The following MRPS27 variants were observed in gnomAD, a reference collection of about 807,000 sequenced individuals.
MRPS27 encodes small ribosomal subunit protein mS27.
In MRPS27, 43 loss-of-function variants were observed where a neutral mutation model predicts 48.9. The observed-to-expected ratio is 0.88, with a 90% CI of 0.69 to 1.13. The LOEUF (loss-of-function observed/expected upper bound fraction) is 1.13. MRPS27 is among the 50% of genes most tolerant of loss of function. The probability of loss-of-function intolerance (pLI) is 0.00; values close to 1 mark genes in which losing one functional copy is unlikely to be tolerated. For missense variants in MRPS27, 467 were observed against 476.3 expected (o/e 0.98, Z 0.18); for synonymous variants, 188 against 171.9 (o/e 1.09, Z -0.73).
chr5:72,262,854 T>G (rs1040267667), intron 4 of MRPS27, among the ~76,000 whole-genome samples: 7 of 152,264 alleles, frequency 4.6e-5, no homozygotes, highest in Admixed American at 3.9e-4. Context: ...CACTGCACCC[T>G]TGAACTCCTG....
Position 72,238,026 on chromosome 5 carries a change from G to C in MRPS27, c.384C>G (p.Thr128=), listed in dbSNP as rs11557158. The C allele has an allele frequency of 1.9e-6, 3 of 1,610,224 alleles. No homozygotes were observed. ...CGGAACAACTCACCTTATTTACAAGGGTATATAGGGCTTTGTCTTGTGCAT... is the reference window on the plus strand; with the variant it reads ...CGGAACAACTCACCTTATTTACAAGCGTATATAGGGCTTTGTCTTGTGCAT... ...KYDAQDKALY[T]LVNKVQYGIF... Residue 128 remains threonine (T), a synonymous_variant, in exon 5 of 11, where the codon ACC becomes ACG. Transcript: ENST00000261413.
intron 4 of MRPS27, chr5:72,241,462 G>T: frequency 1.7e-6 from 1 of 573,244 alleles, no homozygotes. Flanking sequence ...ATAAACTTAC[G>T]TGAGTGGCTA....
intron 2 of MRPS27, among the ~76,000 whole-genome samples, chr5:72,306,003 C>T (rs1435319916): frequency 1.3e-5 from 2 of 152,302 alleles, no homozygotes; most frequent in African/African-American, 4.8e-5. Context: ...AAGCCCAGGG[C>T]TCTACAGAGC....
At chr5:72,246,345 T>C (rs1422258155) in intron 4 of MRPS27, among the ~76,000 whole-genome samples, 1 of 152,210 alleles carries the variant, frequency 6.6e-6, no homozygotes, top group Non-Finnish European at 1.5e-5. Flanking sequence ...TAGTATGTGG[T>C]CATTGTGGAA....
chr5:72,223,034 G>A (rs936816515), intron 10 of MRPS27, among the ~76,000 whole-genome samples: 1 of 152,154 alleles, frequency 6.6e-6, no homozygotes, highest in Admixed American at 6.5e-5. Flanking sequence ...CACTAGACAA[G>A]AATCAAAGCA....
At chr5:72,301,017 T>G (rs1289832150) in intron 2 of MRPS27, among the ~76,000 whole-genome samples, 5 of 152,184 alleles carry the variant, frequency 3.3e-5, no homozygotes, top group African/African-American at 1.2e-4. Flanking sequence ...AAAAAAGCAA[T>G]TGGGTTTCCA....
At chr5:72,257,843 G>A (rs1029986949) in intron 4 of MRPS27, among the ~76,000 whole-genome samples, 2 of 152,164 alleles carry the variant, frequency 1.3e-5, no homozygotes, top group Non-Finnish European at 2.9e-5. Context: ...CCAGCACTTT[G>A]GGAGGCTGAG....
At chr5:72,312,071 G>T (rs2112088686) in intron 2 of MRPS27, among the ~76,000 whole-genome samples, 1 of 152,306 alleles carries the variant, frequency 6.6e-6, no homozygotes, top group Admixed American at 6.5e-5. Context: ...GGCGGAGGTT[G>T]CAGTGAGCCG....
In MRPS27 at chr5:72,280,366, A is replaced by G. The variant is rs140460185; in HGVS notation, c.281+15165T>C. Among the ~76,000 whole-genome samples, 11 of 152,348 alleles carry G rather than the reference A, an allele frequency of 7.2e-5. No homozygotes were observed. The East Asian group carries it at 2.1e-3, about 29-fold the overall frequency. On this transcript the variant is annotated intron_variant, in intron 4 of 10. Transcript: ENST00000261413. ...GGAAAGATATACTTAAAAGACTGGCAAGAAACACACTAAAAACAAGTGATT... is the reference window on the plus strand; with the variant it reads ...GGAAAGATATACTTAAAAGACTGGCGAGAAACACACTAAAAACAAGTGATT...
chr5:72,257,535 A>T (rs1748841993), intron 4 of MRPS27, among the ~76,000 whole-genome samples: 1 of 152,198 alleles, frequency 6.6e-6, no homozygotes, highest in Admixed American at 6.5e-5. Flanking sequence ...ATTCATGTGC[A>T]TGGGTTTCAT....
intron 4 of MRPS27, among the ~76,000 whole-genome samples, chr5:72,287,452 C>T (rs1040521004): frequency 1.3e-5 from 2 of 152,140 alleles, no homozygotes; most frequent in African/African-American, 2.4e-5. Context: ...CCGGCCTTGC[C>T]AACATGGTGA....
chr5:72,263,305 C>T (rs1379950925), intron 4 of MRPS27, among the ~76,000 whole-genome samples: 2 of 151,870 alleles, frequency 1.3e-5, no homozygotes, highest in East Asian at 3.9e-4. Flanking sequence ...GACCATAAAA[C>T]TTAAAGCCAT....
chr5:72,228,447 G>A, intron 7 of MRPS27, 79 bp from the exon 8 acceptor site: 2 of 901,880 alleles, frequency 2.2e-6, no homozygotes, highest in East Asian at 2.5e-5. Flanking sequence ...AATGACATGA[G>A]GAAAAGAACA....
In MRPS27 at chr5:72,285,709, G is replaced by A. The variant is rs745323271; in HGVS notation, c.281+9822C>T. The stretch of plus-strand genomic sequence containing the variant: ...GCTAATCTTTAAAAACATTTTTGTA[G>A]AAACGGAGTCTCACTATGTTGCTCA... On this transcript the variant is annotated intron_variant, in intron 4 of 10. Coordinates refer to ENST00000261413, the MANE Select transcript of MRPS27 (RefSeq NM_015084.3). Among the ~76,000 whole-genome samples the A allele has an allele frequency of 5.3e-4, 80 of 152,160 alleles. 2 individuals carry two copies. Among genetic ancestry groups the A allele is most frequent in the Non-Finnish European group, 1.2e-4 (8 of 68,024 alleles).
At position 72,238,111 on chromosome 5, in the gene MRPS27, T is replaced by C. The variant is rs754401193; in HGVS notation, c.299A>G (p.Asn100Ser). 43 of 1,613,260 alleles carry C rather than the reference T, an allele frequency of 2.7e-5. No homozygotes were observed. The highest frequency in any genetic ancestry group is 1.6e-4 in the Middle Eastern group (1 of 6,076). Residue 100 changes from asparagine to serine, a missense_variant, in exon 5 of 11, where the codon AAC becomes AGC. Transcript: ENST00000261413. ...AGTCCAGTTTCTCAGGTACCAGCAG[T>C]TGGGGCTGTGTCGAAACCTAAATAA... ...YYLYKFRHSPNCWYLRNWTIH... is the reference protein window; with the variant it reads ...YYLYKFRHSPSCWYLRNWTIH...
chr5:72,312,858 T>G (rs759425356), intron 2 of MRPS27, among the ~76,000 whole-genome samples: 1 of 152,120 alleles, frequency 6.6e-6, no homozygotes, highest in Non-Finnish European at 1.5e-5. Flanking sequence ...GACCTCATGA[T>G]CCACCAGCCT....
intron 4 of MRPS27, among the ~76,000 whole-genome samples, chr5:72,289,647 C>A (rs776652483): frequency 1.3e-5 from 2 of 151,918 alleles, no homozygotes; most frequent in Non-Finnish European, 2.9e-5. Context: ...GGTATTAAAC[C>A]CCTGTGCTCA....
intron 4 of MRPS27, 140 bp from the exon 5 acceptor site, chr5:72,238,268 T>C: frequency 1.7e-6 from 1 of 600,756 alleles, no homozygotes; most frequent in Non-Finnish European, 2.9e-6. Context: ...TGATAAAAAC[T>C]TGAGAATGAA....
At chr5:72,314,008 T>TA in intron 2 of MRPS27, 73 bp downstream of exon 2, 1 of 1,062,660 alleles carries the variant, frequency 9.4e-7, no homozygotes. Context: ...CATATATACG[T>TA]TATATGAATA....
Sources: gnomAD v4.1 joint callset for allele counts (sites outside exome capture counted in the v4.1 genomes callset) on GRCh38, gnomAD v4.1.1 for gene constraint, MANE v1.5 for transcripts, NCBI Gene and HGNC (gene_info 2026-07-23, HGNC 2026-07-21) for gene names.